The following MILR1 variants were observed in gnomAD, a reference collection of about 807,000 sequenced individuals.
MILR1 encodes mast cell immunoglobulin like receptor 1.
MILR1 carries 31 observed loss-of-function variants against 18.5 expected under a neutral mutation model. The ratio of observed to expected loss-of-function variants is 1.68; its 90% CI spans 1.26 to 2.26. The LOEUF is 2.26. MILR1 is among the 30% of genes most tolerant of loss of function. The pLI, the probability that MILR1 is intolerant of heterozygous loss-of-function variation, is 0.00. For missense variants in MILR1, 257 were observed against 157.4 expected (o/e 1.63, Z -3.38); for synonymous variants, 85 against 56.2 (o/e 1.51, Z -2.30).
intron 6 of MILR1, 112 bp downstream of exon 6, chr17:64,465,653 A>C: frequency 9.2e-7 from 1 of 1,091,514 alleles, no homozygotes; most frequent in Non-Finnish European, 1.3e-6. Context: ...GATAGAGTTC[A>C]ATGTCTATTG....
intron 6 of MILR1, among the ~76,000 whole-genome samples, chr17:64,466,047 C>T (rs1484650004): frequency 1.3e-5 from 2 of 152,062 alleles, no homozygotes; most frequent in Admixed American, 6.6e-5. Context: ...TGGGAGGCCT[C>T]GGGAGACTTA....
At chr17:64,474,870 A>G in the MILR1 span, among the ~76,000 whole-genome samples, 1 of 151,868 alleles carries the variant, frequency 6.6e-6, no homozygotes, top group Non-Finnish European at 1.5e-5. Flanking sequence ...TTAGAAGGAA[A>G]TTATCAAAGA....
At chr17:64,471,540 G>T (rs1268245317), downstream of MILR1, among the ~76,000 whole-genome samples, 2 of 152,214 alleles carry the variant, frequency 1.3e-5, no homozygotes, top group African/African-American at 2.4e-5. Flanking sequence ...TCAGTGCAAA[G>T]TGAGTAGACC....
At chr17:64,481,225 G>C in the MILR1 span, 1 of 954,332 alleles carries the variant, frequency 1.0e-6, no homozygotes, top group Non-Finnish European at 1.2e-6. Flanking sequence ...GCTTATAAGG[G>C]TATTAGGGAG....
chr17:64,492,686 C>T, the MILR1 span: 10 of 1,607,974 alleles, frequency 6.2e-6, no homozygotes, highest in Middle Eastern at 1.7e-4. Context: ...CCACTGGAGT[C>T]GATGACGTAA....
chr17:64,491,261 G>A, the MILR1 span, among the ~76,000 whole-genome samples: 1 of 152,136 alleles, frequency 6.6e-6, no homozygotes, highest in South Asian at 2.1e-4. Flanking sequence ...AGGATTCAGA[G>A]TAGCTGGGAC....
At chr17:64,464,185 G>A (rs1390805271) in intron 5 of MILR1, among the ~76,000 whole-genome samples, 3 of 141,666 alleles carry the variant, frequency 2.1e-5, no homozygotes, top group Non-Finnish European at 3.0e-5. Flanking sequence ...GTGCGGTGGT[G>A]CAATCATGGC....
At chr17:64,453,646 C>A (rs919418221) in intron 3 of MILR1, among the ~76,000 whole-genome samples, 2 of 149,896 alleles carry the variant, frequency 1.3e-5, no homozygotes, top group Non-Finnish European at 3.0e-5. Context: ...TCCGCTAGCA[C>A]TCTTCCTGCC....
the MILR1 span, chr17:64,480,276 A>G: frequency 1.5e-6 from 2 of 1,302,746 alleles, no homozygotes; most frequent in Non-Finnish European, 2.2e-6. Context: ...TTTAATGAAA[A>G]TACAATTCTT....
the MILR1 span, chr17:64,492,517 G>T: frequency 6.4e-6 from 4 of 625,904 alleles, no homozygotes; most frequent in Non-Finnish European, 1.1e-5. Flanking sequence ...CTAGAACAAT[G>T]AAAATTGTTA....
the MILR1 span, among the ~76,000 whole-genome samples, chr17:64,495,732 G>T: frequency 6.6e-6 from 1 of 151,424 alleles, no homozygotes; most frequent in Non-Finnish European, 1.5e-5. Context: ...TTTTAAGACG[G>T]AGTTTTGCTC....
At chr17:64,483,809 C>A in the MILR1 span, among the ~76,000 whole-genome samples, 1 of 151,726 alleles carries the variant, frequency 6.6e-6, no homozygotes. Flanking sequence ...CCTCTGGGCT[C>A]AAGCCATCCT....
the MILR1 span, among the ~76,000 whole-genome samples, chr17:64,493,422 A>G: frequency 6.6e-6 from 1 of 152,134 alleles, no homozygotes; most frequent in Non-Finnish European, 1.5e-5. Context: ...GTCTTAAAAA[A>G]AAACAAAAAA....
At chr17:64,463,099 C>G (rs2037468863) in intron 5 of MILR1, among the ~76,000 whole-genome samples, 1 of 152,182 alleles carries the variant, frequency 6.6e-6, no homozygotes, top group Non-Finnish European at 1.5e-5. Flanking sequence ...AGCATCATTT[C>G]TCTCTTCCCC....
At chr17:64,460,642 A>C (rs1412694801) in intron 4 of MILR1, among the ~76,000 whole-genome samples, 180 bp from the exon 5 acceptor site, 1 of 152,174 alleles carries the variant, frequency 6.6e-6, no homozygotes, top group East Asian at 1.9e-4. Context: ...CACCACGCCC[A>C]GTCAAGAACT....
chr17:64,451,643 A>G (rs2037172223), intron 2 of MILR1, among the ~76,000 whole-genome samples: 1 of 151,868 alleles, frequency 6.6e-6, no homozygotes, highest in Admixed American at 6.6e-5. Context: ...CTTAAAGTTG[A>G]GTTTATATGG....
intron 2 of MILR1, among the ~76,000 whole-genome samples, chr17:64,449,703 A>G (rs2037122954): frequency 6.6e-6 from 1 of 152,160 alleles, no homozygotes; most frequent in African/African-American, 2.4e-5. Flanking sequence ...TGGAAGGCTA[A>G]TGGGGTAGGA....
intron 2 of MILR1, among the ~76,000 whole-genome samples, chr17:64,451,655 G>A (rs60514833): frequency 0.31 from 46,973 of 151,676 alleles, 8,528 homozygotes; most frequent in Middle Eastern, 0.56. Context: ...TTTATATGGC[G>A]GGGCACAGTG....
the MILR1 span, chr17:64,490,883 G>A: frequency 6.2e-7 from 1 of 1,613,638 alleles, no homozygotes; most frequent in East Asian, 2.2e-5. Context: ...CCTTTCCCCA[G>A]GGAAAATTGT....
Sources: allele counts gnomAD v4.1 joint callset (sites outside exome capture counted in the v4.1 genomes callset), GRCh38; gene constraint gnomAD v4.1.1; transcripts MANE v1.5; gene names NCBI Gene and HGNC (gene_info 2026-07-23, HGNC 2026-07-21).